Variants in COX7B2 observed in about 807,000 individuals in gnomAD.
COX7B2 encodes cytochrome c oxidase subunit 7B2, also known as cytochrome c oxidase subunit 7B2, mitochondrial.
For missense variants in COX7B2, 109 were observed against 95.9 expected, an observed-to-expected ratio of 1.14 and a Z score of -0.57; for synonymous variants, 37 against 32.1, an observed-to-expected ratio of 1.15 and a Z score of -0.51.
chr4:46,848,236 A>C (rs1268981298), intron 1 of COX7B2, among the ~76,000 whole-genome samples: 1 of 152,086 alleles, frequency 6.6e-6, no homozygotes, highest in East Asian at 1.9e-4. Context: ...ACTAATGCTA[A>C]TTAAAGTCGG....
chr4:46,799,398 T>C (rs1430996700), intron 2 of COX7B2, among the ~76,000 whole-genome samples: 2 of 152,088 alleles, frequency 1.3e-5, no homozygotes, highest in Non-Finnish European at 2.9e-5. Context: ...CAAAACTATA[T>C]TGAATTCAAG....
chr4:46,902,770 G>A (rs753535728), intron 1 of COX7B2, among the ~76,000 whole-genome samples: 25 of 152,204 alleles, frequency 1.6e-4, no homozygotes, highest in Admixed American at 3.3e-4. Context: ...CCAGCTACTC[G>A]GGAGGCTGAG....
At chr4:46,759,807 TTATATAAGTTATATAAG>T (rs1716025619) in intron 2 of COX7B2, among the ~76,000 whole-genome samples, 2 of 148,576 alleles carry the variant, frequency 1.3e-5, no homozygotes, top group African/African-American at 4.9e-5. Context: ...AAGTCATATC[TTATATAAGTTATATAAG>T]TCATATCTTA....
At chr4:46,834,237 T>C (rs1715360018) in intron 2 of COX7B2, among the ~76,000 whole-genome samples, 1 of 152,146 alleles carries the variant, frequency 6.6e-6, no homozygotes, top group Non-Finnish European at 1.5e-5. Flanking sequence ...ACAAGTTTTG[T>C]CTTCTTCTGG....
chr4:46,793,504 G>A (rs1718157421), intron 2 of COX7B2, among the ~76,000 whole-genome samples: 1 of 152,132 alleles, frequency 6.6e-6, no homozygotes, highest in Non-Finnish European at 1.5e-5. Context: ...CAAGGAACTG[G>A]GTGACTTTTG....
intron 2 of COX7B2, among the ~76,000 whole-genome samples, chr4:46,823,347 T>C (rs1055455607): frequency 6.6e-6 from 1 of 151,578 alleles, no homozygotes; most frequent in Non-Finnish European, 1.5e-5. Context: ...ATATAATGTG[T>C]GTATGTATAT....
chr4:46,908,073 G>C (rs1246775413), intron 1 of COX7B2, among the ~76,000 whole-genome samples: 1 of 151,636 alleles, frequency 6.6e-6, no homozygotes, highest in Non-Finnish European at 1.5e-5. Flanking sequence ...GGATGGTCTC[G>C]ATCTCTTGAT....
intron 2 of COX7B2, among the ~76,000 whole-genome samples, chr4:46,823,445 G>C (rs1189817280): frequency 2.6e-5 from 4 of 151,382 alleles, no homozygotes; most frequent in African/African-American, 7.3e-5. Flanking sequence ...ATTAAACTAT[G>C]AATCAATAAC....
intron 1 of COX7B2, among the ~76,000 whole-genome samples, chr4:46,886,701 A>G (rs1241429705): frequency 6.6e-6 from 1 of 152,234 alleles, no homozygotes; most frequent in Non-Finnish European, 1.5e-5. Context: ...ATGTCAGAAT[A>G]TATGTTAGAA....
At chr4:46,781,064 C>A (rs373916740) in intron 2 of COX7B2, among the ~76,000 whole-genome samples, 9 of 152,034 alleles carry the variant, frequency 5.9e-5, no homozygotes, top group African/African-American at 2.2e-4. Context: ...AGAAAAGTAA[C>A]CCTAAAAGCA....
intron 2 of COX7B2, among the ~76,000 whole-genome samples, chr4:46,816,909 A>C (rs1719586611): frequency 6.6e-6 from 1 of 152,184 alleles, no homozygotes; most frequent in African/African-American, 2.4e-5. Flanking sequence ...GGTAAGCCTC[A>C]GAGAATTTTT....
At chr4:46,847,653 G>A (rs1220562340) in intron 1 of COX7B2, among the ~76,000 whole-genome samples, 1 of 152,054 alleles carries the variant, frequency 6.6e-6, no homozygotes, top group Non-Finnish European at 1.5e-5. Flanking sequence ...TGTAATTCCT[G>A]GGTTACTCCA....
At chr4:46,883,990 A>C (rs1477053748) in intron 1 of COX7B2, among the ~76,000 whole-genome samples, 1 of 152,106 alleles carries the variant, frequency 6.6e-6, no homozygotes, top group Non-Finnish European at 1.5e-5. Context: ...AAATCAGAAG[A>C]GCTGAATTTG....
chr4:46,830,388 G>C (rs893885313), intron 2 of COX7B2, among the ~76,000 whole-genome samples: 3 of 151,352 alleles, frequency 2.0e-5, no homozygotes, highest in African/African-American at 7.3e-5. Context: ...ATGTATGTAG[G>C]AAAACTTTTC....
At chr4:46,873,886 G>A (rs1201214247) in intron 1 of COX7B2, among the ~76,000 whole-genome samples, 1 of 151,944 alleles carries the variant, frequency 6.6e-6, no homozygotes, top group African/African-American at 2.4e-5. Context: ...TGTTTTCATT[G>A]TTCAATTCCC....
At chr4:46,881,002 A>AAAAAAAAAAAAAC in intron 1 of COX7B2, among the ~76,000 whole-genome samples, 1 of 150,656 alleles carries the variant, frequency 6.6e-6, no homozygotes, top group South Asian at 2.1e-4. Flanking sequence ...ATAAAAAAAA[A>AAAAAAAAAAAAAC]AAAAAAAAAC....
chr4:46,887,260 C>A (rs995820826), intron 1 of COX7B2, among the ~76,000 whole-genome samples: 1 of 152,170 alleles, frequency 6.6e-6, no homozygotes, highest in Non-Finnish European at 1.5e-5. Flanking sequence ...CAAACACATT[C>A]TTTTAAGAAG....
chr4:46,814,291 T>C (rs1719438530), intron 2 of COX7B2, among the ~76,000 whole-genome samples: 2 of 152,234 alleles, frequency 1.3e-5, no homozygotes, highest in Non-Finnish European at 2.9e-5. Context: ...GACTTCCATT[T>C]TGTTTCCTTA....
At chr4:46,754,728 G>GTATATACATATATATATATATATA (rs1715663012) in intron 2 of COX7B2, among the ~76,000 whole-genome samples, 5 of 39,868 alleles carry the variant, frequency 1.3e-4, no homozygotes, top group Non-Finnish European at 1.6e-4. Flanking sequence ...GTGTGTGTGT[G>GTATATACATATATATATATATATA]TATATATATA....
Sources: gnomAD v4.1 joint callset for allele counts (sites outside exome capture counted in the v4.1 genomes callset) on GRCh38, gnomAD v4.1.1 for gene constraint, MANE v1.5 for transcripts, NCBI Gene and HGNC (gene_info 2026-07-23, HGNC 2026-07-21) for gene names.